PCM1: variants seen among roughly 807,000 people sequenced by gnomAD.
PCM1 encodes the protein pericentriolar material 1 protein.
PCM1 carries 157 observed loss-of-function variants against 241.9 expected under a neutral mutation model. That is an observed-to-expected ratio of 0.65 (90% CI 0.57 to 0.74). The LOEUF (loss-of-function observed/expected upper bound fraction) is 0.74. PCM1 is among the 30% of genes least tolerant of loss of function. The pLI, the probability that PCM1 is intolerant of heterozygous loss-of-function variation, is 0.00. For missense variants in PCM1, 3,478 were observed against 2,360.1 expected, an observed-to-expected ratio of 1.47 and a Z score of -9.81; for synonymous variants, 1,085 against 784.9, an observed-to-expected ratio of 1.38 and a Z score of -6.39.
intron 29 of PCM1, among the ~76,000 whole-genome samples, chr8:17,994,160 A>G (rs1166289349): frequency 6.6e-6 from 1 of 152,182 alleles, no homozygotes; most frequent in Non-Finnish European, 1.5e-5. Context: ...TTTTGTACCC[A>G]TTAACCATCT....
intron 9 of PCM1, among the ~76,000 whole-genome samples, chr8:17,954,321 G>C (rs1038002400): frequency 1.3e-5 from 2 of 152,092 alleles, no homozygotes; most frequent in African/African-American, 4.8e-5. Context: ...CAGCTACTCC[G>C]GAGGCTGAGG....
intron 31 of PCM1, among the ~76,000 whole-genome samples, chr8:18,010,325 C>T (rs919915444): frequency 1.3e-5 from 2 of 152,096 alleles, no homozygotes; most frequent in African/African-American, 4.8e-5. Context: ...AAGCCAAGAC[C>T]CAAACAGAGA....
In PCM1 at chr8:17,972,679, A is replaced by C. The variant is rs778689206; in HGVS notation, c.3935A>C (p.Lys1312Thr). 2.6e-6 allele frequency: 4 copies of C among 1,531,878 alleles called. No homozygotes were observed. The East Asian group carries it at 9.2e-5, about 35-fold the overall frequency. The allele number at this position is 1,531,878 out of a possible 1,614,324, so 94.9% of individuals were successfully genotyped here. Residue 1312 changes from lysine (K) to threonine (T), a missense_variant, in exon 23 of 39, where the codon AAA (lysine) becomes ACA (threonine). By Grantham distance (78) the Lys-to-Thr change is moderately conservative (BLOSUM62 -1). Coordinates refer to ENST00000325083, the MANE Select transcript of PCM1 (RefSeq NM_006197.4). ...TCTACTCAGCTGAAAAGCAGAGTTAAAAACATCAGTAAGTGTTGAAATTTG... is the reference window on the plus strand; with the variant it reads ...TCTACTCAGCTGAAAAGCAGAGTTACAAACATCAGTAAGTGTTGAAATTTG... ...RNSTQLKSRV[K>T]NIRYESASMS...
intron 29 of PCM1, among the ~76,000 whole-genome samples, chr8:17,996,854 T>C (rs994265882): frequency 2.6e-4 from 40 of 152,214 alleles, no homozygotes; most frequent in African/African-American, 9.4e-4. Flanking sequence ...TTTCTCTTTA[T>C]ATCTTACTGT....
chr8:17,964,908 A>G (rs1415575143), intron 18 of PCM1, 140 bp downstream of exon 18: 1 of 636,314 alleles, frequency 1.6e-6, no homozygotes, highest in Non-Finnish European at 2.7e-6. Flanking sequence ...ACTCAGAGTT[A>G]GTGCAGACCC....
intron 24 of PCM1, among the ~76,000 whole-genome samples, chr8:17,983,027 GTCGCCTTAAT>G (rs2081412271): frequency 6.6e-6 from 1 of 152,148 alleles, no homozygotes; most frequent in Admixed American, 6.5e-5. Flanking sequence ...GTCATCATCG[GTCGCCTTAAT>G]ATACGTTTAT....
At chr8:18,023,257 A>T (rs1243489776) in intron 36 of PCM1, among the ~76,000 whole-genome samples, 1 of 152,176 alleles carries the variant, frequency 6.6e-6, no homozygotes, top group East Asian at 1.9e-4. Flanking sequence ...TGGTTGTGAA[A>T]TTCTTAATCT....
At chr8:18,007,487 T>C (rs2091647085) in intron 30 of PCM1, among the ~76,000 whole-genome samples, 1 of 152,194 alleles carries the variant, frequency 6.6e-6, no homozygotes, top group Non-Finnish European at 1.5e-5. Context: ...AAAGAGAAAT[T>C]ATAATTTAAA....
In PCM1 at chr8:17,955,609, T is replaced by G. The variant is rs1289659621; in HGVS notation, c.1428T>G (p.Asn476Lys). Residue 476 changes from asparagine (N) to lysine (K), a missense_variant, in exon 10 of 39, where the codon AAT becomes AAG. Physicochemically the swap from Asn to Lys is moderately conservative, Grantham distance 94. Transcript: ENST00000325083. ...PYPTASLVSQ[N>K]ESENEGHLNP... ...CTACTGCTTCTCTAGTATCTCAGAA[T>G]GAGAGTGAAAACGAAGGCCACCTCA... The G allele has an allele frequency of 3.7e-6, 6 of 1,613,764 alleles. No individual in the cohort carries two copies. Among genetic ancestry groups the G allele is most frequent in the Non-Finnish European group, 5.1e-6 (6 of 1,179,742 alleles).
Position 17,937,283 on chromosome 8 carries a change from G to A in PCM1, c.246G>A (p.Thr82=), listed in dbSNP as rs17691680. Residue 82 remains threonine (T), a synonymous_variant, in exon 4 of 39, where the codon ACG becomes ACA. Coordinates refer to ENST00000325083, the MANE Select transcript of PCM1 (RefSeq NM_006197.4). ...GGCGAAGAACAAAGACTCCACATACGTTCCCACACAGTAGATACATGAGTC... is the reference window on the plus strand; with the variant it reads ...GGCGAAGAACAAAGACTCCACATACATTCCCACACAGTAGATACATGAGTC... ...VGRRRTKTPH[T]FPHSRYMSQM... is the part of the protein sequence containing the mutation. 55,841 of 1,609,650 alleles carry A rather than the reference G, an allele frequency of 0.035. 1,095 individuals carry two copies. The highest frequency in any genetic ancestry group is 0.054 in the East Asian group (2,416 of 44,806).
rs1736073103 is a variant in PCM1 at position 17,967,155 on chromosome 8, T to C, written c.3397T>C (p.Ser1133Pro). The change falls in exon 21 of 39, where the codon TCA becomes CCA. Residue 1133 changes from serine (S) to proline (P), a missense_variant. Transcript: ENST00000325083. ...LFNIPGFTNF[S>P]SFAPGMNFSP... ...CAATATACCTGGATTTACTAACTTT[T>C]CATCATTTGCACCAGGTAGGTGACT... 4 of 1,591,890 alleles carry C rather than the reference T, an allele frequency of 2.5e-6. No homozygotes were observed. The highest frequency in any genetic ancestry group is 2.7e-5 in the African/African-American group (2 of 74,656).
chr8:18,001,377 A>C (rs535535068), intron 29 of PCM1, among the ~76,000 whole-genome samples: 150 of 152,320 alleles, frequency 9.8e-4, no homozygotes, highest in Non-Finnish European at 1.4e-3. Flanking sequence ...TTTAGTTCAA[A>C]GGTCATAAAC....
intron 24 of PCM1, among the ~76,000 whole-genome samples, chr8:17,985,147 A>G (rs1410434507): frequency 2.0e-5 from 3 of 151,932 alleles, no homozygotes; most frequent in African/African-American, 7.2e-5. Context: ...TTTTTCCTAT[A>G]AAATGTATAA....
chr8:17,947,229 TGAA>T lies in PCM1; in HGVS notation c.831_833del (p.Lys278del). The T allele has an allele frequency of 6.2e-7, 1 of 1,611,076 alleles. No homozygotes were observed. The highest frequency in any genetic ancestry group is 8.5e-7 in the Non-Finnish European group (1 of 1,177,842). ...GAGCCTATGGAAGAGATAGAAAATTTGAAGAAACAACATGATTTATTAAAAAGA... is the reference window on the plus strand; with the variant it reads ...GAGCCTATGGAAGAGATAGAAAATTTGAAACAACATGATTTATTAAAAAGA... On this transcript the variant is annotated inframe_deletion, in exon 7 of 39. Coordinates refer to ENST00000325083, the MANE Select transcript of PCM1 (RefSeq NM_006197.4).
chr8:17,957,374 A>C lies in PCM1; in HGVS notation c.1757A>C (p.Asn586Thr). Reference sequence around the variant, plus strand: ...GTTAATTCTAATTGTGAAATTAACAACAGATCTGCTGCCAACATAAGGGCT... The same window carrying C: ...GTTAATTCTAATTGTGAAATTAACACCAGATCTGCTGCCAACATAAGGGCT... The part of the protein sequence containing the change: ...RTVNSNCEIN[N>T]RSAANIRALN... The change falls in exon 12 of 39, where the codon AAC (asparagine) becomes ACC (threonine). Residue 586 changes from asparagine (N) to threonine (T), a missense_variant. Transcript: ENST00000325083. 6 of 1,612,426 alleles carry C rather than the reference A, an allele frequency of 3.7e-6. No individual in the cohort carries two copies. The highest frequency in any genetic ancestry group is 5.1e-6 in the Non-Finnish European group (6 of 1,178,738).
intron 6 of PCM1, among the ~76,000 whole-genome samples, chr8:17,942,398 T>G (rs1248114299): frequency 6.7e-6 from 1 of 149,802 alleles, no homozygotes; most frequent in Admixed American, 6.7e-5. Flanking sequence ...ACCTAGGAGG[T>G]GTAGGTTGCC....
chr8:17,987,809 C>G (rs1414347993), intron 26 of PCM1, among the ~76,000 whole-genome samples: 1 of 151,754 alleles, frequency 6.6e-6, no homozygotes, highest in Non-Finnish European at 1.5e-5. Flanking sequence ...AATGCTGTAG[C>G]CATTAGCTAC....
At position 17,972,368 on chromosome 8, in the gene PCM1, G is replaced by C; in HGVS notation, c.3624G>C (p.Arg1208Ser). The change falls in exon 23 of 39, where the codon AGG (arginine) becomes AGC (serine). Residue 1208 changes from arginine to serine, a missense_variant. By Grantham distance (110) the Arg-to-Ser change is moderately radical (BLOSUM62 -1). Transcript: ENST00000325083. ...KLPEEEVESS[R>S]TPWLYEQEGE... Reference sequence around the variant, plus strand: ...CTGAAGAGGAGGTGGAAAGCAGTAGGACACCATGGTTATATGAACAAGAAG... The same window carrying C: ...CTGAAGAGGAGGTGGAAAGCAGTAGCACACCATGGTTATATGAACAAGAAG... 1 of 1,566,576 alleles carries C rather than the reference G, an allele frequency of 6.4e-7. No individual in the cohort carries two copies.
chr8:17,990,008 A>G (rs778753341), intron 27 of PCM1, 29 bp downstream of exon 27: 36 of 1,497,294 alleles, frequency 2.4e-5, no homozygotes, highest in South Asian at 4.1e-5. Context: ...AATCTTAGAA[A>G]CAACTTTAAG....
Sources: gnomAD v4.1 joint callset for allele counts (sites outside exome capture counted in the v4.1 genomes callset) on GRCh38, gnomAD v4.1.1 for gene constraint, MANE v1.5 for transcripts, NCBI Gene and HGNC (gene_info 2026-07-23, HGNC 2026-07-21) for gene names.